Variants in PLCL1 observed in about 807,000 individuals in gnomAD.
PLCL1 encodes inactive phospholipase C-like protein 1.
In PLCL1, 41 loss-of-function variants were observed where a neutral mutation model predicts 84.4. The observed-to-expected ratio is 0.49, with a 90% CI of 0.38 to 0.63. PLCL1 has a LOEUF of 0.63. Ranked by LOEUF, PLCL1 falls within the 30% of genes least tolerant of loss-of-function variation. PLCL1 has a pLI of 0.00. For synonymous variants in PLCL1, 490 were observed against 488.3 expected, an observed-to-expected ratio of 1.00 and a Z score of -0.05; for missense variants, 1,206 against 1,367.8, an observed-to-expected ratio of 0.88 and a Z score of 1.87.
chr2:197,835,542 A>C (rs1221107970), intron 1 of PLCL1, among the ~76,000 whole-genome samples: 7 of 152,194 alleles, frequency 4.6e-5, no homozygotes, highest in African/African-American at 1.4e-4. Flanking sequence ...TAATAGTGCC[A>C]AAACTTGATA....
At chr2:198,071,549 A>T (rs1692464279) in intron 1 of PLCL1, among the ~76,000 whole-genome samples, 1 of 150,098 alleles carries the variant, frequency 6.7e-6, no homozygotes, top group Non-Finnish European at 1.5e-5. Flanking sequence ...CTTTGTAAAC[A>T]TATATATATA....
rs955201485 is a variant in PLCL1 at position 198,009,996 on chromosome 2, T to C, written c.241-73762T>C. Among the ~76,000 whole-genome samples the C allele has an allele frequency of 6.2e-4, 95 of 152,042 alleles. 3 individuals carry two copies. Among genetic ancestry groups the C allele is most frequent in the Non-Finnish European group, 1.5e-4 (10 of 67,904 alleles). On this transcript the variant is annotated intron_variant, in intron 1 of 5. Transcript: ENST00000428675. Reference sequence around the variant, plus strand: ...TTTCCAGATTGGTCTTGTTAATGTATAGAAAATGCAACTGATTTTTGATCA... The same window carrying C: ...TTTCCAGATTGGTCTTGTTAATGTACAGAAAATGCAACTGATTTTTGATCA...
intron 1 of PLCL1, among the ~76,000 whole-genome samples, chr2:197,894,542 G>A (rs1688096201): frequency 6.6e-6 from 1 of 151,850 alleles, no homozygotes; most frequent in South Asian, 2.1e-4. Context: ...GGGTGCAATA[G>A]TTACACATCT....
At chr2:197,904,757 C>T (rs944940770) in intron 1 of PLCL1, among the ~76,000 whole-genome samples, 1 of 151,838 alleles carries the variant, frequency 6.6e-6, no homozygotes, top group Non-Finnish European at 1.5e-5. Context: ...GAACTAAATG[C>T]ATATGATAAT....
At chr2:197,918,938 C>CTA (rs1688650472) in intron 1 of PLCL1, among the ~76,000 whole-genome samples, 1 of 113,634 alleles carries the variant, frequency 8.8e-6, no homozygotes, top group African/African-American at 3.2e-5. Context: ...GAGACCCTGT[C>CTA]TCTCTCTCTC....
At chr2:198,006,503 G>A (rs1042167009) in intron 1 of PLCL1, among the ~76,000 whole-genome samples, 2 of 152,162 alleles carry the variant, frequency 1.3e-5, no homozygotes, top group African/African-American at 4.8e-5. Context: ...CTGGAGGCGT[G>A]TTGCCTCATT....
intron 1 of PLCL1, among the ~76,000 whole-genome samples, chr2:197,850,181 G>T (rs1436530224): frequency 2.6e-5 from 4 of 152,096 alleles, no homozygotes; most frequent in African/African-American, 9.7e-5. Flanking sequence ...TTAGTACTGC[G>T]ACAGGATTGA....
rs1162493916 is a variant in PLCL1, at chr2:198,082,531, A to G, written c.241-1227A>G. The stretch of plus-strand genomic sequence containing the variant: ...TTTGGCATGCCCTATAAAATTGGGC[A>G]TGGTAAACATGCATTACGACTCTTT... On this transcript the variant is annotated intron_variant, in intron 1 of 5. Transcript: ENST00000428675. Among the ~76,000 whole-genome samples, 3 of 152,206 alleles carry G rather than the reference A, an allele frequency of 2.0e-5. No individual in the cohort carries two copies. The South Asian group carries it at 6.2e-4, about 32-fold the overall frequency.
chr2:197,993,087 ACT>A (rs1690376066), intron 1 of PLCL1, among the ~76,000 whole-genome samples: 1 of 152,164 alleles, frequency 6.6e-6, no homozygotes, highest in East Asian at 1.9e-4. Flanking sequence ...GAACTGTCAC[ACT>A]GTCTTCCATA....
Position 198,089,080 on chromosome 2 carries a change from A to C in PLCL1, c.2919+19A>C. The C allele has an allele frequency of 6.3e-7, 1 of 1,587,110 alleles. No individual in the cohort carries two copies. Among genetic ancestry groups the C allele is most frequent in the Non-Finnish European group, 8.7e-7 (1 of 1,155,652 alleles). Reference sequence around the variant, plus strand: ...TGATCTGGTAGGAAATTGCGACTCCATATTTTTTTACGTGTGTGTGTGTGT... The same window carrying C: ...TGATCTGGTAGGAAATTGCGACTCCCTATTTTTTTACGTGTGTGTGTGTGT... On this transcript the variant is annotated intron_variant, in intron 3 of 5. Coordinates refer to ENST00000428675, the MANE Select transcript of PLCL1 (RefSeq NM_006226.4).
chr2:197,921,394 T>A (rs1364355920), intron 1 of PLCL1, among the ~76,000 whole-genome samples: 2 of 152,194 alleles, frequency 1.3e-5, no homozygotes, highest in African/African-American at 2.4e-5. Context: ...GGGGTCCTTT[T>A]CAAAGTTTCG....
intron 1 of PLCL1, among the ~76,000 whole-genome samples, chr2:198,077,269 G>T (rs1363332274): frequency 6.6e-6 from 1 of 151,894 alleles, no homozygotes; most frequent in Admixed American, 6.6e-5. Context: ...CACCATCATG[G>T]CACATGTATA....
At chr2:198,094,387 C>A (rs1407873973) in intron 3 of PLCL1, among the ~76,000 whole-genome samples, 1 of 152,064 alleles carries the variant, frequency 6.6e-6, no homozygotes, top group Non-Finnish European at 1.5e-5. Context: ...ATTAGTCTTG[C>A]AATTATAATT....
At chr2:198,036,106 T>C (rs922416470) in intron 1 of PLCL1, among the ~76,000 whole-genome samples, 1 of 152,226 alleles carries the variant, frequency 6.6e-6, no homozygotes, top group Non-Finnish European at 1.5e-5. Context: ...GTAATGGTTG[T>C]TTGAGGCAAG....
At chr2:197,896,107 A>G (rs1168752432) in intron 1 of PLCL1, among the ~76,000 whole-genome samples, 1 of 152,020 alleles carries the variant, frequency 6.6e-6, no homozygotes, top group Non-Finnish European at 1.5e-5. Flanking sequence ...ACTTTGACCT[A>G]GTAGTCTCAG....
At chr2:198,038,663 C>G (rs1053378878) in intron 1 of PLCL1, among the ~76,000 whole-genome samples, 2 of 152,000 alleles carry the variant, frequency 1.3e-5, no homozygotes, top group Admixed American at 6.6e-5. Context: ...AACAGTTATT[C>G]TATTGCAGAC....
chr2:197,927,526 G>A (rs1688853411), intron 1 of PLCL1, among the ~76,000 whole-genome samples: 1 of 152,164 alleles, frequency 6.6e-6, no homozygotes, highest in Non-Finnish European at 1.5e-5. Flanking sequence ...AAGAAAGGTA[G>A]AAAAGCAAAA....
At chr2:197,848,510 T>A (rs1687163048) in intron 1 of PLCL1, among the ~76,000 whole-genome samples, 1 of 152,326 alleles carries the variant, frequency 6.6e-6, no homozygotes, top group East Asian at 1.9e-4. Flanking sequence ...AGACAAGGAC[T>A]AGGCCGAGGT....
chr2:198,130,642 C>T (rs1694098256), intron 5 of PLCL1, among the ~76,000 whole-genome samples: 1 of 152,080 alleles, frequency 6.6e-6, no homozygotes, highest in African/African-American at 2.4e-5. Context: ...TCAGTGACAC[C>T]TCTGGAATTC....
Sources: allele counts gnomAD v4.1 joint callset (sites outside exome capture counted in the v4.1 genomes callset), GRCh38; gene constraint gnomAD v4.1.1; transcripts MANE v1.5; gene names NCBI Gene and HGNC (gene_info 2026-07-23, HGNC 2026-07-21).